Variants in DHX29 observed in about 807,000 individuals in gnomAD.
DHX29 encodes ATP-dependent RNA helicase DHX29.
A neutral mutation model predicts 167.9 loss-of-function variants in DHX29; 79 were observed. The ratio of observed to expected loss-of-function variants is 0.47; its 90% CI spans 0.39 to 0.57. The LOEUF is 0.57. Ranked by LOEUF, DHX29 falls within the 20% of genes least tolerant of loss-of-function variation. The pLI, the probability that DHX29 is intolerant of heterozygous loss-of-function variation, is 0.00. For synonymous variants in DHX29, 530 were observed against 546.0 expected (o/e 0.97, Z 0.41); for missense variants, 1,347 against 1,593.4 (o/e 0.85, Z 2.63).
chr5:55,301,736 A>C (rs1232205010), intron 1 of DHX29, among the ~76,000 whole-genome samples: 10 of 142,958 alleles, frequency 7.0e-5, no homozygotes, highest in East Asian at 4.1e-4. Context: ...AAAAAAAAAA[A>C]CAAGAATGAT....
intron 1 of DHX29, among the ~76,000 whole-genome samples, 173 bp from the exon 2 acceptor site, chr5:55,298,837 T>C (rs1748454197): frequency 6.6e-6 from 1 of 151,034 alleles, no homozygotes. Flanking sequence ...GAGACCATCC[T>C]GGCTAACAAG....
chr5:55,276,329 C>T lies in DHX29; in HGVS notation c.2364G>A (p.Leu788=), dbSNP rs766781603. The change falls in exon 14 of 27, where the codon CTG becomes CTA. Residue 788 remains leucine, a synonymous_variant. Coordinates refer to ENST00000251636, the MANE Select transcript of DHX29 (RefSeq NM_019030.4). ...TAATGGTTACTTCTTCTTCCTCTTC[C>T]AGAAATTTCTGACAATATTCTGAGT... ...EKDSEYCQKF[L]EEEEEVTINV... is the part of the protein sequence containing the mutation. 33 of 1,604,322 alleles carry T rather than the reference C, an allele frequency of 2.1e-5. No homozygotes were observed. The highest frequency in any genetic ancestry group is 2.3e-5 in the Non-Finnish European group (27 of 1,176,740).
intron 6 of DHX29, among the ~76,000 whole-genome samples, chr5:55,291,346 C>T (rs1434861703): frequency 6.6e-6 from 1 of 152,056 alleles, no homozygotes. Flanking sequence ...CATATCTAGC[C>T]GAATTTTGGT....
At chr5:55,290,718 T>C (rs896823362) in intron 6 of DHX29, among the ~76,000 whole-genome samples, 23 of 152,208 alleles carry the variant, frequency 1.5e-4, no homozygotes, top group Admixed American at 2.6e-4. Flanking sequence ...AGCTCATTTC[T>C]ATAAAAACTG....
In DHX29 at chr5:55,273,363, G is replaced by A; in HGVS notation, c.2705C>T (p.Ala902Val). ...TTGGGTTGAAAGAATAGAATGCAGA[G>A]CTATCACTTTATATCTGAAAGTTAA... ...RFYSERYKVI[A>V]LHSILSTQDQ... Residue 902 changes from alanine (A) to valine (V), a missense_variant, in exon 17 of 27, where the codon GCT becomes GTT. By Grantham distance (64) the Ala-to-Val change is moderately conservative. This residue lies in a region of DHX29 where 882 missense variants were observed against 1,082.4 expected (regional missense o/e 0.81). Transcript: ENST00000251636. 1 of 1,585,168 alleles carries A rather than the reference G, an allele frequency of 6.3e-7. No homozygotes were observed. The highest frequency in any genetic ancestry group is 8.6e-7 in the Non-Finnish European group (1 of 1,161,136).
intron 12 of DHX29, among the ~76,000 whole-genome samples, chr5:55,277,674 C>G (rs756158568): frequency 6.6e-6 from 1 of 151,974 alleles, no homozygotes; most frequent in Non-Finnish European, 1.5e-5. Context: ...AGGAGGCCGA[C>G]GCGGGCGGAT....
chr5:55,269,736 G>T, intron 20 of DHX29, 99 bp from the exon 21 acceptor site: 2 of 943,584 alleles, frequency 2.1e-6, no homozygotes, highest in South Asian at 1.6e-5. Context: ...GTAAAATTTT[G>T]AGCAAAGAGG....
intron 21 of DHX29, 65 bp from the exon 22 acceptor site, chr5:55,267,887 TATAAA>T (rs1746660281): frequency 7.7e-7 from 1 of 1,293,458 alleles, no homozygotes; most frequent in African/African-American, 1.5e-5. Context: ...AAAGTTAACT[TATAAA>T]AGAAAGCAAA....
At chr5:55,295,690 C>T (rs1048889166) in intron 4 of DHX29, among the ~76,000 whole-genome samples, 166 bp from the exon 5 acceptor site, 4 of 152,160 alleles carry the variant, frequency 2.6e-5, no homozygotes, top group East Asian at 1.9e-4. Context: ...TGGTTTTATC[C>T]GTCAACCTAG....
intron 16 of DHX29, among the ~76,000 whole-genome samples, chr5:55,274,229 A>G (rs144092037): frequency 2.2e-4 from 33 of 151,846 alleles, no homozygotes; most frequent in Middle Eastern, 3.4e-3. Context: ...CCTTGTCTCT[A>G]TGAAAAAAAT....
intron 8 of DHX29, among the ~76,000 whole-genome samples, chr5:55,286,442 TACAAATTGCA>T (rs1423613942): frequency 2.0e-5 from 3 of 152,150 alleles, no homozygotes; most frequent in Non-Finnish European, 4.4e-5. Context: ...CTTAGGATAC[TACAAATTGCA>T]ACATTTGGAA....
At chr5:55,297,055 G>T (rs1369759808) in intron 3 of DHX29, among the ~76,000 whole-genome samples, 2 of 152,132 alleles carry the variant, frequency 1.3e-5, no homozygotes, top group Non-Finnish European at 2.9e-5. Context: ...CATAGTAGGT[G>T]CTCAATAATA....
intron 22 of DHX29, 150 bp downstream of exon 22, chr5:55,267,536 T>A: frequency 1.5e-6 from 1 of 661,760 alleles, no homozygotes; most frequent in Non-Finnish European, 2.3e-6. Context: ...AACACATGAA[T>A]CTCTAACATA....
At chr5:55,277,634 A>G (rs1321722335) in intron 12 of DHX29, among the ~76,000 whole-genome samples, 1 of 152,134 alleles carries the variant, frequency 6.6e-6, no homozygotes, top group Admixed American at 6.6e-5. Context: ...CCTTATTGCC[A>G]GTAGCTCATA....
chr5:55,296,735 G>A (rs1028610185), intron 3 of DHX29, among the ~76,000 whole-genome samples: 9 of 151,908 alleles, frequency 5.9e-5, no homozygotes. Flanking sequence ...GACATATCCT[G>A]ATTTAATTTT....
At chr5:55,275,903 A>C (rs932091800) in intron 14 of DHX29, among the ~76,000 whole-genome samples, 1 of 145,622 alleles carries the variant, frequency 6.9e-6, no homozygotes, top group African/African-American at 2.6e-5. Flanking sequence ...GACTTGCCCT[A>C]TCCTGAGCAC....
rs1452382465 is a variant in DHX29, at chr5:55,287,879, G to A, written c.1066+1391C>T. The stretch of plus-strand genomic sequence containing the variant: ...CAGGAGAATTGCTTGAATCCAGGAG[G>A]TGGAGGTTGCAGTGAACCGAGATTG... On this transcript the variant is annotated intron_variant, in intron 8 of 26. Coordinates refer to ENST00000251636, the MANE Select transcript of DHX29 (RefSeq NM_019030.4). Among the ~76,000 whole-genome samples the A allele has an allele frequency of 4.0e-5, 6 of 150,954 alleles. No homozygotes were observed. In the East Asian group the frequency reaches 5.9e-4, roughly 15 times the overall value.
Position 55,274,658 on chromosome 5 carries a change from C to T in DHX29, c.2646G>A (p.Gln882=). The part of the protein sequence containing the change: ...IFLPGLAHIQ[Q]LYDLLSNDRR... ...TATCATTTGATAGAAGATCATACAACTGCTGAATATGAGCAAGTCCTGGTA... is the reference window on the plus strand; with the variant it reads ...TATCATTTGATAGAAGATCATACAATTGCTGAATATGAGCAAGTCCTGGTA... The change falls in exon 16 of 27, where the codon CAG becomes CAA. Residue 882 remains glutamine (Q), a synonymous_variant. Transcript: ENST00000251636. 1 of 1,605,048 alleles carries T rather than the reference C, an allele frequency of 6.2e-7. No homozygotes were observed. The highest frequency in any genetic ancestry group is 1.7e-5 in the Admixed American group (1 of 57,952).
chr5:55,289,207 T>C, intron 8 of DHX29, 63 bp downstream of exon 8: 1 of 1,444,878 alleles, frequency 6.9e-7, no homozygotes, highest in Non-Finnish European at 9.1e-7. Context: ...ATTTTACCAT[T>C]ATATATTTCT....
Sources: allele counts gnomAD v4.1 joint callset (sites outside exome capture counted in the v4.1 genomes callset), GRCh38; gene constraint gnomAD v4.1.1; regional missense constraint gnomAD v4.1.1; transcripts MANE v1.5; gene names NCBI Gene and HGNC (gene_info 2026-07-23, HGNC 2026-07-21).